NSG1: variants seen among roughly 807,000 people sequenced by gnomAD.
The protein encoded by NSG1 is neuronal vesicle trafficking-associated protein 1.
Under a neutral mutation model 19.3 loss-of-function variants are expected in NSG1, and 9 were observed. The ratio of observed to expected loss-of-function variants is 0.47; its 90% confidence interval spans 0.28 to 0.81. The LOEUF (loss-of-function observed/expected upper bound fraction) is 0.81. Among genes scored for constraint, NSG1 ranks in the 40% least tolerant of loss-of-function variants. NSG1 has a pLI of 0.11. For synonymous variants in NSG1, 104 were observed against 107.0 expected (o/e 0.97, Z 0.17); for missense variants, 236 against 242.4 (o/e 0.97, Z 0.18).
rs377118204 is a variant in NSG1, at chr4:4,417,198, C to A, written c.358-37C>A. 4 of 1,589,330 alleles carry A rather than the reference C, an allele frequency of 2.5e-6. No homozygotes were observed. The South Asian group carries it at 3.3e-5, about 13-fold the overall frequency. ...GGAGACACACTGGCACCCCCTCTTG[C>A]ACCGACGCGTGCTCTCAGTGGCCTC... On this transcript the variant is annotated intron_variant, in intron 4 of 4. Transcript: ENST00000621129.
chr4:4,409,720 C>T, intron 4 of NSG1, 37 bp downstream of exon 4: 1 of 1,489,326 alleles, frequency 6.7e-7, no homozygotes, highest in Non-Finnish European at 9.4e-7. Flanking sequence ...CCTGGGACGC[C>T]TTTGCACCCC....
intron 3 of NSG1, among the ~76,000 whole-genome samples, chr4:4,405,511 A>C (rs1302518690): frequency 6.6e-6 from 1 of 152,064 alleles, no homozygotes; most frequent in Non-Finnish European, 1.5e-5. Flanking sequence ...TGTGGGGCCC[A>C]GAGAGGCCAG....
intron 4 of NSG1, among the ~76,000 whole-genome samples, chr4:4,411,503 G>T (rs971576244): frequency 6.6e-6 from 1 of 152,160 alleles, no homozygotes; most frequent in African/African-American, 2.4e-5. Flanking sequence ...CAGCACTTTG[G>T]GAGGCCTAGG....
At chr4:4,403,550 C>T (rs1723683538) in intron 3 of NSG1, among the ~76,000 whole-genome samples, 1 of 152,226 alleles carries the variant, frequency 6.6e-6, no homozygotes, top group Non-Finnish European at 1.5e-5. Flanking sequence ...CTGTGATTAC[C>T]TTTAGAGCCC....
intron 2 of NSG1, among the ~76,000 whole-genome samples, chr4:4,390,668 T>G (rs1447527529): frequency 6.6e-6 from 1 of 152,208 alleles, no homozygotes; most frequent in Non-Finnish European, 1.5e-5. Context: ...ACCTTGACCC[T>G]GCTCTTGAAC....
intron 3 of NSG1, among the ~76,000 whole-genome samples, chr4:4,409,201 C>T (rs902447204): frequency 4.7e-4 from 71 of 152,330 alleles, no homozygotes; most frequent in African/African-American, 1.3e-3. Context: ...GATGCACCAC[C>T]GCCGTGATGG....
intron 3 of NSG1, among the ~76,000 whole-genome samples, chr4:4,406,196 T>G (rs1176245991): frequency 3.0e-4 from 46 of 152,152 alleles, no homozygotes; most frequent in African/African-American, 1.1e-3. Flanking sequence ...CCCGGCTAAT[T>G]TTTTATATTT....
At chr4:4,412,603 T>G (rs1724274031) in intron 4 of NSG1, among the ~76,000 whole-genome samples, 1 of 152,190 alleles carries the variant, frequency 6.6e-6, no homozygotes, top group African/African-American at 2.4e-5. Context: ...TGAAGTCCCC[T>G]TGACCTCCTC....
At chr4:4,409,495 G>A (rs1028329137) in intron 3 of NSG1, 78 bp from the exon 4 acceptor site, 9 of 1,016,380 alleles carry the variant, frequency 8.9e-6, no homozygotes, top group East Asian at 4.8e-5. Flanking sequence ...GTGTGGGGGG[G>A]GGCCTTCGTG....
intron 3 of NSG1, among the ~76,000 whole-genome samples, chr4:4,408,656 C>T (rs1451282629): frequency 1.3e-5 from 2 of 152,182 alleles, no homozygotes; most frequent in Non-Finnish European, 1.5e-5. Context: ...GATGGGGTTT[C>T]GCCCTGTTGG....
chr4:4,402,052 T>C lies in NSG1; in HGVS notation c.247-7521T>C, dbSNP rs1328445426. On this transcript the variant is annotated intron_variant, in intron 3 of 4. Coordinates refer to ENST00000621129, the MANE Select transcript of NSG1 (RefSeq NM_014392.5). ...CTTACCCCCATGCCCAGCTAATTTT[T>C]TTTTTTTTTTTTTTTTGGCAGAAAT... 2.0e-5 allele frequency among the ~76,000 whole-genome samples: 3 copies of C among 149,336 alleles called. No homozygotes were observed. In the East Asian group the frequency reaches 5.8e-4, roughly 29 times the overall value.
At chr4:4,395,531 G>A (rs1723207897) in intron 3 of NSG1, among the ~76,000 whole-genome samples, 2 of 152,168 alleles carry the variant, frequency 1.3e-5, no homozygotes, top group African/African-American at 4.8e-5. Flanking sequence ...CTGGTTGAGG[G>A]CTGGGCGGGT....
chr4:4,403,049 G>C (rs984277297), intron 3 of NSG1, among the ~76,000 whole-genome samples: 1 of 152,230 alleles, frequency 6.6e-6, no homozygotes, highest in African/African-American at 2.4e-5. Context: ...TCCAAGAGTT[G>C]TTCAGTGTGT....
chr4:4,400,851 A>G (rs1435131078), intron 3 of NSG1, among the ~76,000 whole-genome samples: 1 of 152,272 alleles, frequency 6.6e-6, no homozygotes, highest in African/African-American at 2.4e-5. Flanking sequence ...ATAAATGCAT[A>G]TCTATCACAA....
chr4:4,390,185 G>T (rs1339423210), intron 2 of NSG1, among the ~76,000 whole-genome samples: 1 of 152,206 alleles, frequency 6.6e-6, no homozygotes, highest in African/African-American at 2.4e-5. Flanking sequence ...GTTTGAGGAT[G>T]GCAGGGTGAC....
At chr4:4,399,198 A>AG (rs1225019428) in intron 3 of NSG1, among the ~76,000 whole-genome samples, 1 of 152,120 alleles carries the variant, frequency 6.6e-6, no homozygotes, top group Non-Finnish European at 1.5e-5. Context: ...GCTGGAGTGC[A>AG]GTGGTGGGAT....
rs1185424093 is a variant in NSG1 at position 4,418,759 on chromosome 4, A to T, written c.*1324A>T. On this transcript the variant is annotated 3_prime_UTR_variant, in exon 5 of 5. Transcript: ENST00000621129. ...TTGTTTCCTGAAATGTGCTTCTAAG[A>T]CAGAAAATGTATTTTCTCATCAAGG... The T allele has an allele frequency of 6.6e-6, 1 of 152,652 alleles. No homozygotes were observed. The highest frequency in any genetic ancestry group is 1.9e-4 in the East Asian group (1 of 5,192). The allele number at this position is 152,652 out of a possible 1,614,324, so 9.5% of individuals were successfully genotyped here. A position where few individuals can be genotyped will look rare whatever the true frequency, so the allele number is the denominator to read the frequency against.
At chr4:4,407,821 G>A (rs1225138527) in intron 3 of NSG1, among the ~76,000 whole-genome samples, 1 of 152,146 alleles carries the variant, frequency 6.6e-6, no homozygotes, top group Non-Finnish European at 1.5e-5. Context: ...GGCTTCCAAG[G>A]TGGTGAGGCT....
intron 1 of NSG1, among the ~76,000 whole-genome samples, 171 bp downstream of exon 1, chr4:4,387,344 G>C (rs1257659790): frequency 1.3e-5 from 2 of 152,242 alleles, no homozygotes; most frequent in East Asian, 1.9e-4. Flanking sequence ...TGCTGGGCAG[G>C]GGCGGCGCCC....
Sources: gnomAD v4.1 joint callset for allele counts (sites outside exome capture counted in the v4.1 genomes callset) on GRCh38, gnomAD v4.1.1 for gene constraint, MANE v1.5 for transcripts, NCBI Gene and HGNC (gene_info 2026-07-23, HGNC 2026-07-21) for gene names.